The following ARID5B variants were observed in gnomAD, a reference collection of about 807,000 sequenced individuals.
ARID5B encodes AT-rich interaction domain 5B.
A neutral mutation model predicts 97.2 loss-of-function variants in ARID5B; 13 were observed. That is an observed-to-expected ratio of 0.13 (90% CI 0.09 to 0.21). The LOEUF is 0.21. ARID5B is among the 10% of genes least tolerant of loss of function. The pLI, the probability that ARID5B is intolerant of heterozygous loss-of-function variation, is 1.00. For missense variants in ARID5B, 1,210 were observed against 1,465.3 expected (o/e 0.83, Z 2.84); for synonymous variants, 556 against 570.3 (o/e 0.97, Z 0.36).
chr10:61,994,940 C>T (rs1020194171), intron 3 of ARID5B, among the ~76,000 whole-genome samples: 3 of 151,882 alleles, frequency 2.0e-5, no homozygotes, highest in African/African-American at 7.3e-5. Context: ...AATAGGCATT[C>T]ACTTTTTTTT....
intron 3 of ARID5B, among the ~76,000 whole-genome samples, chr10:61,985,440 G>A (rs1838834085): frequency 6.6e-6 from 1 of 151,852 alleles, no homozygotes; most frequent in South Asian, 2.1e-4. Context: ...GCCAATAGAT[G>A]GAAGACCATT....
At chr10:61,969,149 C>T (rs932964247) in intron 3 of ARID5B, among the ~76,000 whole-genome samples, 2 of 152,108 alleles carry the variant, frequency 1.3e-5, no homozygotes, top group Non-Finnish European at 2.9e-5. Flanking sequence ...AGCTGCTCTG[C>T]AATACCCTCC....
rs1840436078 is a variant in ARID5B at position 62,094,470 on chromosome 10, G to A, written c.*1440G>A. 4.3e-6 allele frequency: 1 copy of A among 230,908 alleles called. No homozygotes were observed. Among genetic ancestry groups the A allele is most frequent in the Admixed American group, 5.7e-5 (1 of 17,698 alleles). 14.3% of individuals were successfully genotyped at this position (230,908 alleles called of 1,614,324 possible). A position where few individuals can be genotyped will look rare whatever the true frequency, so the allele number is the denominator to read the frequency against. On this transcript the variant is annotated 3_prime_UTR_variant, in exon 10 of 10. Coordinates refer to ENST00000279873, the MANE Select transcript of ARID5B (RefSeq NM_032199.3). ...GTTTTATGGGGTGTGAGTTTTGTGT[G>A]TACACACACAGAAACATGTAAGGTG...
intron 5 of ARID5B, 112 bp from the exon 6 acceptor site, chr10:62,057,005 G>A (rs1839864910): frequency 3.2e-6 from 3 of 951,492 alleles, no homozygotes; most frequent in South Asian, 1.6e-5. Context: ...ATAATTTACC[G>A]GTTCACCCTT....
At chr10:62,086,159 A>G (rs1400019849) in intron 9 of ARID5B, among the ~76,000 whole-genome samples, 1 of 152,216 alleles carries the variant, frequency 6.6e-6, no homozygotes, top group Non-Finnish European at 1.5e-5. Flanking sequence ...AACATCCTGT[A>G]GAAAACTGAT....
At chr10:62,081,807 C>T (rs970371986) in intron 8 of ARID5B, among the ~76,000 whole-genome samples, 1 of 152,194 alleles carries the variant, frequency 6.6e-6, no homozygotes, top group Non-Finnish European at 1.5e-5. Context: ...TTGAATTTTT[C>T]ATAATATCAG....
At chr10:62,074,267 T>C (rs544173863) in intron 8 of ARID5B, among the ~76,000 whole-genome samples, 1 of 152,346 alleles carries the variant, frequency 6.6e-6, no homozygotes, top group Admixed American at 6.5e-5. Context: ...CAAATGTATT[T>C]GTTTGTGAGG....
intron 9 of ARID5B, 51 bp downstream of exon 9, chr10:62,085,951 G>T (rs763706360): frequency 3.2e-6 from 5 of 1,565,940 alleles, no homozygotes; most frequent in Non-Finnish European, 4.3e-6. Context: ...GTGCTGCCTC[G>T]AGGTCCTTCT....
At chr10:61,907,836 G>A (rs540943241) in intron 2 of ARID5B, among the ~76,000 whole-genome samples, 1 of 152,384 alleles carries the variant, frequency 6.6e-6, no homozygotes, top group South Asian at 2.1e-4. Flanking sequence ...CAACAGCAGA[G>A]TTGAGTTGTT....
intron 3 of ARID5B, among the ~76,000 whole-genome samples, chr10:61,959,382 T>G (rs148303089): frequency 1.6e-3 from 238 of 152,334 alleles, no homozygotes; most frequent in Non-Finnish European, 2.5e-3. Flanking sequence ...ATCTAGAATC[T>G]GTACTACACC....
chr10:61,957,088 G>A (rs920440341), intron 3 of ARID5B, among the ~76,000 whole-genome samples: 2 of 152,166 alleles, frequency 1.3e-5, no homozygotes, highest in South Asian at 4.1e-4. Context: ...TTTAACAGTA[G>A]TGCAGAGCTC....
intron 8 of ARID5B, among the ~76,000 whole-genome samples, 183 bp from the exon 9 acceptor site, chr10:62,085,519 C>T (rs1435648513): frequency 2.6e-5 from 4 of 152,180 alleles, no homozygotes; most frequent in Admixed American, 2.0e-4. Context: ...TTACCAGGTA[C>T]TGATTTTGAC....
intron 3 of ARID5B, among the ~76,000 whole-genome samples, chr10:61,997,687 G>A (rs1361094824): frequency 6.6e-6 from 1 of 152,130 alleles, no homozygotes; most frequent in Non-Finnish European, 1.5e-5. Flanking sequence ...GGTAGTCCTG[G>A]CACTTAATGG....
intron 3 of ARID5B, among the ~76,000 whole-genome samples, chr10:61,967,916 G>C (rs186042624): frequency 6.6e-6 from 1 of 152,004 alleles, no homozygotes; most frequent in Admixed American, 6.6e-5. Context: ...TCGCATTCTT[G>C]TAGATAACCA....
intron 8 of ARID5B, among the ~76,000 whole-genome samples, chr10:62,071,340 T>G (rs1214591047): frequency 6.6e-6 from 1 of 152,122 alleles, no homozygotes; most frequent in African/African-American, 2.4e-5. Flanking sequence ...AGCCAGAACA[T>G]TTTTACTAGA....
intron 3 of ARID5B, among the ~76,000 whole-genome samples, chr10:61,989,652 T>G (rs1314116909): frequency 6.6e-6 from 1 of 152,244 alleles, no homozygotes; most frequent in Non-Finnish European, 1.5e-5. Context: ...CATAGGTTTA[T>G]GCAGTTTATG....
intron 8 of ARID5B, among the ~76,000 whole-genome samples, chr10:62,074,570 C>A (rs1006127631): frequency 3.3e-5 from 5 of 152,180 alleles, no homozygotes; most frequent in Non-Finnish European, 7.3e-5. Flanking sequence ...AAAAATATAT[C>A]AGGTTCTAAG....
At position 62,085,959 on chromosome 10, in the gene ARID5B, T is replaced by G. The variant is rs544356449; in HGVS notation, c.1398+59T>G. On this transcript the variant is annotated intron_variant, in intron 9 of 9. Coordinates refer to ENST00000279873, the MANE Select transcript of ARID5B (RefSeq NM_032199.3). ...AAGACATGTGCTGCCTCGAGGTCCT[T>G]CTGGAGCCCTGAATCCACAGCTGTG... 1.8e-5 allele frequency: 28 copies of G among 1,538,472 alleles called. No individual in the cohort carries two copies. In the East Asian group the frequency reaches 5.6e-4, roughly 31 times the overall value.
intron 9 of ARID5B, 27 bp downstream of exon 9, chr10:62,085,927 C>G: frequency 6.3e-7 from 1 of 1,597,978 alleles, no homozygotes; most frequent in Non-Finnish European, 8.5e-7. Flanking sequence ...CATAGAAATA[C>G]CTCTGGAAGA....
Sources: allele counts gnomAD v4.1 joint callset (sites outside exome capture counted in the v4.1 genomes callset), GRCh38; gene constraint gnomAD v4.1.1; transcripts MANE v1.5; gene names NCBI Gene and HGNC (gene_info 2026-07-23, HGNC 2026-07-21).